EMID1: variants seen among roughly 807,000 people sequenced by gnomAD.
The protein encoded by EMID1 is EMI domain-containing protein 1.
A neutral mutation model predicts 60.6 loss-of-function variants in EMID1; 40 were observed. That is an observed-to-expected ratio of 0.66 (90% CI 0.51 to 0.86). EMID1 has a LOEUF of 0.86. Among genes scored for constraint, EMID1 ranks in the 40% least tolerant of loss-of-function variants. The probability of loss-of-function intolerance (pLI) is 0.00; values close to 1 mark genes in which losing one functional copy is unlikely to be tolerated. For missense variants in EMID1, 585 were observed against 597.1 expected (o/e 0.98, Z 0.21); for synonymous variants, 242 against 231.0 (o/e 1.05, Z -0.43).
intron 12 of EMID1, among the ~76,000 whole-genome samples, chr22:29,238,202 C>T (rs1438026174): frequency 7.1e-6 from 1 of 141,326 alleles, no homozygotes; most frequent in Admixed American, 7.0e-5. Flanking sequence ...TTTTTTCCCT[C>T]TGTTTTCTTT....
chr22:29,243,051 C>G (rs563325212), intron 12 of EMID1, among the ~76,000 whole-genome samples: 2 of 152,194 alleles, frequency 1.3e-5, no homozygotes, highest in African/African-American at 2.4e-5. Context: ...TTGTAGCTCC[C>G]TGCTTCCCAG....
intron 13 of EMID1, among the ~76,000 whole-genome samples, chr22:29,248,242 AGACACTGT>A (rs754125650): frequency 1.4e-5 from 2 of 145,146 alleles, no homozygotes; most frequent in Non-Finnish European, 3.0e-5. Flanking sequence ...TCCAGGTGTG[AGACACTGT>A]GCCTGGCCCT....
Position 29,258,823 on chromosome 22 carries a change from A to C in EMID1, c.1211A>C (p.Glu404Ala), listed in dbSNP as rs2041804511. 6.2e-7 allele frequency: 1 copy of C among 1,613,032 alleles called. No homozygotes were observed. The highest frequency in any genetic ancestry group is 1.7e-5 in the Admixed American group (1 of 59,980). Residue 404 changes from glutamate to alanine, a missense_variant, in exon 15 of 15, where the codon GAG (glutamate) becomes GCG (alanine). Physicochemically the swap from Glu to Ala is moderately radical, Grantham distance 107 (BLOSUM62 -1). Transcript: ENST00000334018. ...LETMIGLYEPELGSGAGPAGT... is the reference protein window; with the variant it reads ...LETMIGLYEPALGSGAGPAGT... ...TCCTTCTTCCCTCCGGCAGAACCAGAGCTGGGGTCTGGGGCGGGCCCTGCC... is the reference window on the plus strand; with the variant it reads ...TCCTTCTTCCCTCCGGCAGAACCAGCGCTGGGGTCTGGGGCGGGCCCTGCC...
At chr22:29,254,439 C>G (rs2041634421) in intron 14 of EMID1, 152 bp downstream of exon 14, 1 of 708,566 alleles carries the variant, frequency 1.4e-6, no homozygotes, top group Admixed American at 2.3e-5. Flanking sequence ...CCACAACCAC[C>G]CTTCCCTCAA....
intron 13 of EMID1, among the ~76,000 whole-genome samples, chr22:29,244,328 T>A (rs1166868697): frequency 6.6e-6 from 1 of 152,124 alleles, no homozygotes; most frequent in Non-Finnish European, 1.5e-5. Flanking sequence ...CCGTGGCTCC[T>A]ACCTGTAATC....
intron 12 of EMID1, among the ~76,000 whole-genome samples, chr22:29,236,114 C>T (rs973567343): frequency 6.6e-6 from 1 of 152,140 alleles, no homozygotes; most frequent in East Asian, 1.9e-4. Flanking sequence ...ATTATTGAGG[C>T]CCAGCATAGT....
intron 3 of EMID1, among the ~76,000 whole-genome samples, chr22:29,218,960 C>T (rs1401792293): frequency 3.9e-5 from 6 of 152,338 alleles, no homozygotes; most frequent in South Asian, 4.1e-4. Flanking sequence ...CCCCCTGCCC[C>T]AGATCCTCCT....
chr22:29,242,678 T>C (rs2041193564), intron 12 of EMID1, among the ~76,000 whole-genome samples: 1 of 152,250 alleles, frequency 6.6e-6, no homozygotes, highest in Non-Finnish European at 1.5e-5. Context: ...AGTTAAATTA[T>C]TGATGGGTCA....
At chr22:29,230,974 CCTAGTGAGA>C in intron 5 of EMID1, 37 bp from the exon 6 acceptor site, 1 of 1,590,122 alleles carries the variant, frequency 6.3e-7, no homozygotes, top group Non-Finnish European at 8.6e-7. Flanking sequence ...AGGGAGGGGT[CCTAGTGAGA>C]CCCTGGTACC....
At chr22:29,247,093 C>T (rs756174264) in intron 13 of EMID1, among the ~76,000 whole-genome samples, 2 of 152,102 alleles carry the variant, frequency 1.3e-5, no homozygotes, top group Non-Finnish European at 2.9e-5. Context: ...ATTCTCGTGC[C>T]TCAGCCACCT....
rs974666694 is a variant in EMID1 at position 29,226,582 on chromosome 22, T to C, written c.465+31T>C. 2.5e-6 allele frequency: 4 copies of C among 1,602,072 alleles called. No homozygotes were observed. In the African/African-American group the frequency reaches 5.4e-5, roughly 22 times the overall value. On this transcript the variant is annotated intron_variant, in intron 5 of 14. Transcript: ENST00000334018. ...TGAGCAGCTCCCTCCTGGGTGGTTG[T>C]TCCCTGCCACAGGCCAGTCCAGGCA... is the stretch of plus-strand genomic sequence containing the variant.
chr22:29,242,647 T>C (rs1322929864), intron 12 of EMID1, among the ~76,000 whole-genome samples: 1 of 152,108 alleles, frequency 6.6e-6, no homozygotes, highest in East Asian at 1.9e-4. Flanking sequence ...TCCTGAAGAG[T>C]ATTGAGTTTT....
chr22:29,233,436 C>T lies in EMID1; in HGVS notation c.881C>T (p.Pro294Leu), dbSNP rs141985422. 6.2e-7 allele frequency: 1 copy of T among 1,614,098 alleles called. No homozygotes were observed. Among genetic ancestry groups the T allele is most frequent in the Non-Finnish European group, 8.5e-7 (1 of 1,180,018 alleles). ...ACCAACAACCACTGGCCCCAGGGAC[C>T]CACTGGGCCTCCAGGCCCTCCAGGG... ...TETNNHWPQG[P>L]TGPPGPPGPM... The change falls in exon 9 of 15, where the codon CCC becomes CTC. Residue 294 changes from proline (P) to leucine (L), a missense_variant. Coordinates refer to ENST00000334018, the MANE Select transcript of EMID1 (RefSeq NM_133455.4).
Position 29,231,692 on chromosome 22 carries a change from C to T in EMID1, c.676+10C>T, listed in dbSNP as rs534142288. The T allele has an allele frequency of 1.7e-5, 24 of 1,450,262 alleles. No homozygotes were observed. The highest frequency in any genetic ancestry group is 2.9e-5 in the African/African-American group (2 of 69,990). 89.8% of individuals were successfully genotyped at this position (1,450,262 alleles called of 1,614,324 possible). A position where few individuals can be genotyped will look rare whatever the true frequency, so the allele number is the denominator to read the frequency against. ...ATGAGAGGCCCACCAGGTGAGTGCC[C>T]GCAATGCTGCCCCACAGCTCCTCTG... On this transcript the variant is annotated intron_variant, in intron 7 of 14. Transcript: ENST00000334018.
At chr22:29,211,797 T>C (rs948785103) in intron 1 of EMID1, among the ~76,000 whole-genome samples, 1 of 152,202 alleles carries the variant, frequency 6.6e-6, no homozygotes, top group Admixed American at 6.5e-5. Context: ...CCCTCCCTCC[T>C]TCACTCACGA....
intron 5 of EMID1, among the ~76,000 whole-genome samples, chr22:29,228,369 T>C (rs2040608162): frequency 6.6e-6 from 1 of 152,032 alleles, no homozygotes; most frequent in South Asian, 2.1e-4. Flanking sequence ...AATTAAAAAG[T>C]ACAACATTCT....
intron 13 of EMID1, among the ~76,000 whole-genome samples, chr22:29,251,625 G>A (rs1421759771): frequency 6.6e-6 from 1 of 152,058 alleles, no homozygotes; most frequent in Non-Finnish European, 1.5e-5. Flanking sequence ...AGCCTCCACA[G>A]TAGCCAGAAC....
intron 3 of EMID1, chr22:29,216,314 C>T: frequency 1.0e-6 from 1 of 985,446 alleles, no homozygotes; most frequent in South Asian, 4.7e-5. Context: ...ACCCTCTCCT[C>T]TCCTCCAGGC....
At chr22:29,255,148 C>G (rs957968961) in intron 14 of EMID1, 11 of 579,074 alleles carry the variant, frequency 1.9e-5, no homozygotes, top group Non-Finnish European at 3.2e-5. Context: ...AGTACTGAGA[C>G]TCACTCCCAG....
Sources: gnomAD v4.1 joint callset for allele counts (sites outside exome capture counted in the v4.1 genomes callset) on GRCh38, gnomAD v4.1.1 for gene constraint, MANE v1.5 for transcripts, NCBI Gene and HGNC (gene_info 2026-07-23, HGNC 2026-07-21) for gene names.